TRIM39: variants seen among roughly 807,000 people sequenced by gnomAD.
The protein encoded by TRIM39 is E3 ubiquitin-protein ligase TRIM39.
In TRIM39, 5 loss-of-function variants were observed where a neutral mutation model predicts 53.6. The ratio of observed to expected loss-of-function variants is 0.09; its 90% CI spans 0.05 to 0.20. The LOEUF (loss-of-function observed/expected upper bound fraction) is 0.20. Ranked by LOEUF, TRIM39 falls within the 10% of genes least tolerant of loss-of-function variation. TRIM39 has a pLI of 1.00. For missense variants in TRIM39, 310 were observed against 621.0 expected (o/e 0.50, Z 5.32); for synonymous variants, 196 against 237.6 (o/e 0.82, Z 1.61).
intron 1 of TRIM39, among the ~76,000 whole-genome samples, chr6:30,328,553 GAGGAC>G (rs1267777016): frequency 6.6e-6 from 1 of 152,022 alleles, no homozygotes; most frequent in Non-Finnish European, 1.5e-5. Flanking sequence ...CTTTCAATAT[GAGGAC>G]TCTCTTTGCT....
intron 4 of TRIM39, among the ~76,000 whole-genome samples, chr6:30,331,206 T>C (rs1248231599): frequency 6.6e-6 from 1 of 151,656 alleles, no homozygotes; most frequent in African/African-American, 2.4e-5. Flanking sequence ...GAGGCGGAGG[T>C]TGCAGTGAGC....
chr6:30,336,784 G>C (rs1220096088), intron 5 of TRIM39, among the ~76,000 whole-genome samples: 1 of 152,064 alleles, frequency 6.6e-6, no homozygotes, highest in African/African-American at 2.4e-5. Context: ...TGATATTTTG[G>C]CTTCCTTTCA....
intron 1 of TRIM39, among the ~76,000 whole-genome samples, chr6:30,328,443 T>A (rs537622458): frequency 6.6e-6 from 1 of 152,380 alleles, no homozygotes; most frequent in African/African-American, 2.4e-5. Context: ...GCTAGTCTGA[T>A]GGATAAAAGG....
chr6:30,330,011 T>C (rs1439618998), intron 3 of TRIM39, among the ~76,000 whole-genome samples: 2 of 152,180 alleles, frequency 1.3e-5, no homozygotes, highest in Non-Finnish European at 2.9e-5. Flanking sequence ...TGGGTGAATA[T>C]TGGTATGTGT....
At chr6:30,333,306 C>T (rs571007386) in intron 4 of TRIM39, among the ~76,000 whole-genome samples, 1 of 148,166 alleles carries the variant, frequency 6.7e-6, no homozygotes, top group East Asian at 2.0e-4. Flanking sequence ...TGTGTTTATA[C>T]TATATAAAAT....
At chr6:30,340,484 C>T in intron 6 of TRIM39, 21 bp from the exon 7 acceptor site, 3 of 1,612,904 alleles carry the variant, frequency 1.9e-6, no homozygotes, top group Non-Finnish European at 2.5e-6. Context: ...CTTTCTTCCC[C>T]TATCTCCCTA....
At chr6:30,327,940 C>T (rs1785591951) in intron 1 of TRIM39, among the ~76,000 whole-genome samples, 1 of 152,234 alleles carries the variant, frequency 6.6e-6, no homozygotes, top group African/African-American at 2.4e-5. Context: ...TCTCTCAGCA[C>T]ATAGATCTAC....
Position 30,339,779 on chromosome 6 carries a change from C to G in TRIM39, c.781-129C>G. On this transcript the variant is annotated intron_variant, in intron 5 of 7. Transcript: ENST00000396551. This position sits in a 1 kb window ranked among gnomAD's most constrained non-coding sequence, Gnocchi z 4.2. ...AGGTCCCGCTGGAGCTCTTCTTGCA[C>G]TGTGTGACCCTCAGTTTATCCTATC... The G allele has an allele frequency of 7.7e-7, 1 of 1,301,546 alleles. No homozygotes were observed. Among genetic ancestry groups the G allele is most frequent in the Middle Eastern group, 1.8e-4 (1 of 5,474 alleles). The allele number at this position is 1,301,546 out of a possible 1,614,324, so 80.6% of individuals were successfully genotyped here. A position where few individuals can be genotyped will look rare whatever the true frequency, so the allele number is the denominator to read the frequency against.
intron 4 of TRIM39, among the ~76,000 whole-genome samples, chr6:30,334,084 G>A (rs1181825786): frequency 2.0e-5 from 3 of 152,184 alleles, no homozygotes; most frequent in Admixed American, 6.5e-5. Context: ...AGGCAGTGGT[G>A]GAAAGTGAAG....
chr6:30,340,548 G>A (rs1787391327), exon 7 of TRIM39: 5 of 1,613,038 alleles, frequency 3.1e-6, no homozygotes, highest in Non-Finnish European at 4.2e-6. Flanking sequence ...AGTATCCATA[G>A]AGCTGGAAAA....
chr6:30,336,723 A>G (rs1309685407), intron 5 of TRIM39, among the ~76,000 whole-genome samples: 1 of 152,200 alleles, frequency 6.6e-6, no homozygotes, highest in African/African-American at 2.4e-5. Flanking sequence ...TGAACCCCTA[A>G]AAGTCATCCA....
chr6:30,334,947 G>T (rs1195841552), intron 4 of TRIM39, among the ~76,000 whole-genome samples: 1 of 151,944 alleles, frequency 6.6e-6, no homozygotes, highest in Non-Finnish European at 1.5e-5. Context: ...TCCTAGGTTG[G>T]TCTTGGCCTC....
chr6:30,328,731 A>G (rs1389662495), intron 1 of TRIM39, among the ~76,000 whole-genome samples, 158 bp from the exon 2 acceptor site: 1 of 152,158 alleles, frequency 6.6e-6, no homozygotes, highest in African/African-American at 2.4e-5. Flanking sequence ...CAGGGAAGCC[A>G]AAAGGTTGGA....
chr6:30,333,498 C>T (rs1427844417), intron 4 of TRIM39, among the ~76,000 whole-genome samples: 3 of 151,646 alleles, frequency 2.0e-5, no homozygotes, highest in Non-Finnish European at 2.9e-5. Context: ...CCTGGGACTA[C>T]AGGCGCCCAC....
chr6:30,334,307 A>ACTCT (rs1554250834), intron 4 of TRIM39, among the ~76,000 whole-genome samples: 38 of 151,652 alleles, frequency 2.5e-4, no homozygotes, highest in African/African-American at 7.5e-4. Flanking sequence ...TGCTTGGGGA[A>ACTCT]TTCTTTAGGG....
intron 4 of TRIM39, 100 bp downstream of exon 4, chr6:30,330,976 A>T: frequency 7.2e-7 from 1 of 1,397,284 alleles, no homozygotes; most frequent in Middle Eastern, 2.2e-4. Flanking sequence ...TTCATTAGAA[A>T]AATGCAGTTC....
At chr6:30,337,471 G>A (rs748637303) in intron 5 of TRIM39, among the ~76,000 whole-genome samples, 2 of 152,120 alleles carry the variant, frequency 1.3e-5, no homozygotes, top group Admixed American at 6.5e-5. Flanking sequence ...CACTCTGAGA[G>A]ATCAAGCCAG....
rs1312781059 is a variant in TRIM39, at chr6:30,339,858, G to A, written c.781-50G>A. On this transcript the variant is annotated intron_variant, in intron 5 of 7. Transcript: ENST00000396551. This position sits in a 1 kb window ranked among gnomAD's most constrained non-coding sequence, Gnocchi z 4.2. ...AGGAGGGGGAACCTTTTGCCTTCAG[G>A]ACCACTGAATACCAGGACCAATATT... The A allele has an allele frequency of 6.2e-7, 1 of 1,613,194 alleles. No homozygotes were observed. Among genetic ancestry groups the A allele is most frequent in the Non-Finnish European group, 8.5e-7 (1 of 1,179,578 alleles).
Position 30,335,735 on chromosome 6 carries a change from C to G in TRIM39, c.550-10C>G. The G allele has an allele frequency of 6.2e-7, 1 of 1,612,092 alleles. No individual in the cohort carries two copies. The highest frequency in any genetic ancestry group is 8.5e-7 in the Non-Finnish European group (1 of 1,179,600). On this transcript the variant is annotated splice_polypyrimidine_tract_variant and intron_variant, in intron 4 of 7. Transcript: ENST00000396551. This position sits in a 1 kb window ranked among gnomAD's most constrained non-coding sequence, Gnocchi z 4.7. ...ACCCTGCTGATACAACATCTTCCCT[C>G]TCTTCTCAGAGACTAGTGGAAAGTC... is the stretch of plus-strand genomic sequence containing the variant.
Sources: gnomAD v4.1 joint callset for allele counts (sites outside exome capture counted in the v4.1 genomes callset) on GRCh38, gnomAD v4.1.1 for gene constraint, Gnocchi (gnomAD v3.1) non-coding constraint, MANE v1.5 for transcripts, NCBI Gene and HGNC (gene_info 2026-07-23, HGNC 2026-07-21) for gene names.